CROCC: variants seen among roughly 807,000 people sequenced by gnomAD.
CROCC encodes rootletin.
A neutral mutation model predicts 245.2 loss-of-function variants in CROCC; 180 were observed. The ratio of observed to expected loss-of-function variants is 0.73; its 90% CI spans 0.65 to 0.83. CROCC has a LOEUF of 0.83. Among genes scored for constraint, CROCC ranks in the 40% least tolerant of loss-of-function variants. The pLI, the probability that CROCC is intolerant of heterozygous loss-of-function variation, is 0.00. For missense variants in CROCC, 2,688 were observed against 2,779.4 expected, an observed-to-expected ratio of 0.97 and a Z score of 0.74; for synonymous variants, 1,205 against 1,241.6, an observed-to-expected ratio of 0.97 and a Z score of 0.62.
chr1:16,959,649 T>C (rs937697614), intron 26 of CROCC, among the ~76,000 whole-genome samples: 9 of 152,176 alleles, frequency 5.9e-5, no homozygotes, highest in Non-Finnish European at 7.4e-5. Context: ...AGGGGTGGCT[T>C]TGTGTCTGTG....
chr1:16,918,741 T>G (rs1305093316), upstream of CROCC, among the ~76,000 whole-genome samples: 4 of 148,212 alleles, frequency 2.7e-5, no homozygotes, highest in East Asian at 1.9e-4. Flanking sequence ...GTTTTTTGTT[T>G]TTGTTTTTTT....
At chr1:16,918,300 CTTTTTTTTT>C (rs201445636), upstream of CROCC, among the ~76,000 whole-genome samples, 193 of 123,882 alleles carry the variant, frequency 1.6e-3, no homozygotes, top group East Asian at 0.016. Context: ...GGAATTCAGT[CTTTTTTTTT>C]TTTTTTTTTT....
At chr1:16,928,112 C>A (rs1165906472) in intron 3 of CROCC, among the ~76,000 whole-genome samples, 1 of 152,296 alleles carries the variant, frequency 6.6e-6, no homozygotes, top group Non-Finnish European at 1.5e-5. Context: ...TGTTGGCTTC[C>A]TGTGGCTGGC....
chr1:16,933,332 T>G (rs981703016), intron 8 of CROCC, among the ~76,000 whole-genome samples: 2 of 152,228 alleles, frequency 1.3e-5, no homozygotes, highest in Non-Finnish European at 2.9e-5. Flanking sequence ...CTAGGTGTGG[T>G]GACACATGCC....
chr1:16,924,413 C>T lies in CROCC; in HGVS notation c.285C>T (p.Asp95=). The change falls in exon 3 of 37, where the codon GAC becomes GAT. Residue 95 remains aspartate, a synonymous_variant. Coordinates refer to ENST00000375541, the MANE Select transcript of CROCC (RefSeq NM_014675.5). ...LLQQELSRVE[D]LLAQSRAERD... ...AGCAGGAGCTGTCCCGCGTGGAGGA[C>T]CTGCTGGCCCAGAGCCGTGCCGAGC... The T allele has an allele frequency of 6.2e-7, 1 of 1,613,364 alleles. No individual in the cohort carries two copies. The highest frequency in any genetic ancestry group is 8.5e-7 in the Non-Finnish European group (1 of 1,179,920).
In CROCC at chr1:16,954,854, C is replaced by T; in HGVS notation, c.3442C>T (p.Gln1148Ter). The change falls in exon 23 of 37, where the codon CAG (glutamine) becomes TAG (stop). Residue 1148 changes from glutamine to a stop codon, truncating the protein, a stop_gained. Transcript: ENST00000375541. LOFTEE classifies it high-confidence loss of function. This position sits in a 1 kb window ranked among gnomAD's most constrained non-coding sequence, Gnocchi z 4.4. ...LQEQARDLGK[Q>*]RDSCLREAEE... ...AGAGCAGGCCCGAGACCTGGGCAAG[C>T]AGCGGGACTCCTGTCTTCGCGAGGT... The T allele has an allele frequency of 6.5e-7, 1 of 1,540,540 alleles. No homozygotes were observed. The highest frequency in any genetic ancestry group is 1.2e-5 in the South Asian group (1 of 83,950).
chr1:16,944,703 CTG>C (rs1464836593), intron 14 of CROCC, among the ~76,000 whole-genome samples: 3 of 152,222 alleles, frequency 2.0e-5, no homozygotes, highest in African/African-American at 7.2e-5. Flanking sequence ...GGATGGTAAA[CTG>C]AGGCACAGAG....
At chr1:16,962,560 A>C (rs1342180028) in intron 27 of CROCC, among the ~76,000 whole-genome samples, 11 of 147,746 alleles carry the variant, frequency 7.4e-5, no homozygotes, top group African/African-American at 1.5e-4. Flanking sequence ...AAAAAAAAAA[A>C]ACAGGATTTC....
chr1:16,949,535 A>G (rs1557619853), intron 19 of CROCC, among the ~76,000 whole-genome samples: 1 of 152,174 alleles, frequency 6.6e-6, no homozygotes, highest in Non-Finnish European at 1.5e-5. Context: ...CCATTAATAT[A>G]AATAGTTAAC....
intron 2 of CROCC, among the ~76,000 whole-genome samples, chr1:16,923,030 T>C (rs1213090254): frequency 6.6e-6 from 1 of 152,292 alleles, no homozygotes; most frequent in Admixed American, 6.5e-5. Context: ...GAGCATCTCC[T>C]GCGTGCTTGC....
intron 30 of CROCC, 57 bp from the exon 31 acceptor site, chr1:16,968,146 G>A: frequency 3.3e-6 from 5 of 1,513,158 alleles, no homozygotes; most frequent in Non-Finnish European, 4.5e-6. Context: ...CAGGGCGTGT[G>A]CGGGAGGGCT....
At chr1:16,926,683 C>T (rs1290191701) in intron 3 of CROCC, among the ~76,000 whole-genome samples, 1 of 152,254 alleles carries the variant, frequency 6.6e-6, no homozygotes, top group Non-Finnish European at 1.5e-5. Context: ...TCTTGCTGTC[C>T]CTGAGAAGCA....
At chr1:16,914,364 G>A (rs1246968758) in intron 1 of CROCC, among the ~76,000 whole-genome samples, 4 of 152,244 alleles carry the variant, frequency 2.6e-5, no homozygotes, top group Non-Finnish European at 4.4e-5. Flanking sequence ...TCGCGGGCCG[G>A]GGGCACGACA....
rs1272935086 is a variant in CROCC at position 16,931,318 on chromosome 1, C to T, written c.877C>T (p.His293Tyr). Reference protein sequence around the residue: ...ESFNAYFSNEHSRLLLLWRQV... With the variant: ...ESFNAYFSNEYSRLLLLWRQV... Reference sequence around the variant, plus strand: ...CTTCAACGCCTACTTCAGCAACGAGCACAGTCGCCTGCTCCTCCTCTGGAG... The same window carrying T: ...CTTCAACGCCTACTTCAGCAACGAGTACAGTCGCCTGCTCCTCCTCTGGAG... The change falls in exon 8 of 37, where the codon CAC becomes TAC. Residue 293 changes from histidine to tyrosine, a missense_variant. This residue lies in a region of CROCC where 972 missense variants were observed against 895.3 expected (regional missense o/e 1.09). Transcript: ENST00000375541. 14 of 1,612,394 alleles carry T rather than the reference C, an allele frequency of 8.7e-6. No individual in the cohort carries two copies. Among genetic ancestry groups the T allele is most frequent in the Non-Finnish European group, 1.2e-5 (14 of 1,178,790 alleles).
intron 32 of CROCC, 36 bp from the exon 33 acceptor site, chr1:16,969,749 C>T (rs1333797456): frequency 3.8e-6 from 6 of 1,592,062 alleles, no homozygotes; most frequent in African/African-American, 2.7e-5. Flanking sequence ...TTAGGGCTCC[C>T]AGGCCAGCCA....
chr1:16,921,418 A>C (rs1286841456), upstream of CROCC, among the ~76,000 whole-genome samples: 15 of 152,288 alleles, frequency 9.8e-5, no homozygotes, highest in South Asian at 2.1e-4. Flanking sequence ...TCCAGGCTGG[A>C]CCGCTCATGC....
Position 16,960,805 on chromosome 1 carries a change from G to A in CROCC, c.4080G>A (p.Arg1360=). 1 of 1,532,082 alleles carries A rather than the reference G, an allele frequency of 6.5e-7. No individual in the cohort carries two copies. The highest frequency in any genetic ancestry group is 8.7e-7 in the Non-Finnish European group (1 of 1,146,310). The allele number at this position is 1,532,082 out of a possible 1,614,324, so 94.9% of individuals were successfully genotyped here. A position where few individuals can be genotyped will look rare whatever the true frequency, so the allele number is the denominator to read the frequency against. Residue 1360 remains arginine (R), a synonymous_variant, in exon 27 of 37, where the codon CGG becomes CGA. Coordinates refer to ENST00000375541, the MANE Select transcript of CROCC (RefSeq NM_014675.5). The part of the protein sequence containing the change: ...RKLQEQEGEF[R]TRERRLLGSL... ...TGCAGGAACAAGAAGGCGAGTTCCG[G>A]ACCCGCGAGCGACGCCTGCTGGGCT...
chr1:16,947,474 T>TAATAAA (rs2100466760), intron 17 of CROCC, among the ~76,000 whole-genome samples: 1 of 144,700 alleles, frequency 6.9e-6, no homozygotes, highest in African/African-American at 2.7e-5. Flanking sequence ...GTCTCAATAA[T>TAATAAA]AATAATAATA....
At chr1:16,963,213 A>T (rs1267340147) in intron 27 of CROCC, among the ~76,000 whole-genome samples, 2 of 150,832 alleles carry the variant, frequency 1.3e-5, no homozygotes, top group Admixed American at 6.6e-5. Context: ...AAATTGGGCA[A>T]AGCCAAGGTA....
Sources: allele counts gnomAD v4.1 joint callset (sites outside exome capture counted in the v4.1 genomes callset), GRCh38; gene constraint gnomAD v4.1.1; regional missense constraint gnomAD v4.1.1; non-coding constraint Gnocchi (gnomAD v3.1); transcripts MANE v1.5; gene names NCBI Gene and HGNC (gene_info 2026-07-23, HGNC 2026-07-21).